LMTK2: variants seen among roughly 807,000 people sequenced by gnomAD.
LMTK2 encodes serine/threonine-protein kinase LMTK2.
Under a neutral mutation model 127.5 loss-of-function variants are expected in LMTK2, and 37 were observed. That is an observed-to-expected ratio of 0.29 (90% CI 0.22 to 0.38). The LOEUF is 0.38. LMTK2 is among the 10% of genes least tolerant of loss of function. The pLI is 1.00. For missense variants in LMTK2, 1,694 were observed against 1,920.3 expected, an observed-to-expected ratio of 0.88 and a Z score of 2.20; for synonymous variants, 819 against 810.1, an observed-to-expected ratio of 1.01 and a Z score of -0.19.
chr7:98,124,127 A>C (rs1049147253), intron 1 of LMTK2, among the ~76,000 whole-genome samples: 2 of 152,084 alleles, frequency 1.3e-5, no homozygotes, highest in Non-Finnish European at 2.9e-5. Context: ...TGATACTTGA[A>C]AGTCTGTTCC....
At chr7:98,172,644 A>C (rs1318928223) in intron 7 of LMTK2, among the ~76,000 whole-genome samples, 1 of 152,236 alleles carries the variant, frequency 6.6e-6, no homozygotes, top group Admixed American at 6.5e-5. Context: ...ACCAGGCAGT[A>C]TTTCTTTAGT....
At chr7:98,164,898 A>G (rs971814495) in intron 6 of LMTK2, among the ~76,000 whole-genome samples, 27 of 152,148 alleles carry the variant, frequency 1.8e-4, no homozygotes, top group African/African-American at 6.3e-4. Context: ...AGCAGATGAT[A>G]CTGTGTTCTT....
At chr7:98,128,316 TGTC>T (rs1356048424) in intron 1 of LMTK2, among the ~76,000 whole-genome samples, 2 of 152,142 alleles carry the variant, frequency 1.3e-5, no homozygotes, top group African/African-American at 4.8e-5. Context: ...TTCTCACTGT[TGTC>T]CTTGTAAAAT....
chr7:98,168,014 G>A (rs1797128476), intron 6 of LMTK2, among the ~76,000 whole-genome samples: 1 of 152,300 alleles, frequency 6.6e-6, no homozygotes, highest in Admixed American at 6.5e-5. Context: ...GGGAGAAGTG[G>A]GCAGGTCACT....
intron 5 of LMTK2, among the ~76,000 whole-genome samples, chr7:98,157,110 A>G (rs762772018): frequency 4.6e-5 from 7 of 152,168 alleles, no homozygotes; most frequent in East Asian, 3.9e-4. Flanking sequence ...TTAGTTGGGC[A>G]TGGTGGCATC....
chr7:98,181,449 G>A (rs1243195386), intron 7 of LMTK2, among the ~76,000 whole-genome samples: 2 of 152,080 alleles, frequency 1.3e-5, no homozygotes, highest in Admixed American at 6.6e-5. Context: ...AAATTCATAT[G>A]GATTCTGAAG....
At chr7:98,121,345 C>G (rs1796358230) in intron 1 of LMTK2, among the ~76,000 whole-genome samples, 1 of 152,052 alleles carries the variant, frequency 6.6e-6, no homozygotes, top group East Asian at 1.9e-4. Flanking sequence ...ATTAGGAAAC[C>G]AAGCCTGGCG....
chr7:98,148,192 CAAAG>C (rs1796799143), intron 3 of LMTK2, among the ~76,000 whole-genome samples: 1 of 150,850 alleles, frequency 6.6e-6, no homozygotes, highest in Admixed American at 6.6e-5. Flanking sequence ...GACCCTGTCT[CAAAG>C]AAAAAAAATT....
At chr7:98,142,135 TA>T (rs1164365206) in intron 3 of LMTK2, among the ~76,000 whole-genome samples, 2 of 152,224 alleles carry the variant, frequency 1.3e-5, no homozygotes, top group African/African-American at 4.8e-5. Flanking sequence ...TAATACCTTT[TA>T]AAAAATATTT....
rs77166316 is a variant in LMTK2, at chr7:98,124,458, G to A, written c.104-12857G>A. 4.4e-4 allele frequency among the ~76,000 whole-genome samples: 67 copies of A among 152,230 alleles called. No individual in the cohort carries two copies. In the East Asian group the frequency reaches 0.012, roughly 28 times the overall value. On this transcript the variant is annotated intron_variant, in intron 1 of 13. Transcript: ENST00000297293. ...GAGGCCAGGAGTTCAAGACAAGCCC[G>A]GGCAACATGGTGAGACTCCATCTCT...
At chr7:98,161,217 T>C (rs866132271) in intron 6 of LMTK2, among the ~76,000 whole-genome samples, 1 of 152,218 alleles carries the variant, frequency 6.6e-6, no homozygotes, top group African/African-American at 2.4e-5. Flanking sequence ...TCTACAAGTC[T>C]GGACTTGAGA....
chr7:98,113,704 C>G (rs1237249585), intron 1 of LMTK2, among the ~76,000 whole-genome samples: 1 of 152,180 alleles, frequency 6.6e-6, no homozygotes, highest in East Asian at 1.9e-4. Context: ...AGACTGCTCC[C>G]TCTAGGGATT....
Position 98,205,570 on chromosome 7 carries a change from A to T in LMTK2, c.*78A>T, listed in dbSNP as rs905641070. Reference sequence around the variant, plus strand: ...CCCTGCGCCCTCAGCCCGAGCAGCGACATCCACTCGCCATTTGCTGACATG... The same window carrying T: ...CCCTGCGCCCTCAGCCCGAGCAGCGTCATCCACTCGCCATTTGCTGACATG... On this transcript the variant is annotated 3_prime_UTR_variant, in exon 14 of 14. Coordinates refer to ENST00000297293, the MANE Select transcript of LMTK2 (RefSeq NM_014916.4). 2.5e-5 allele frequency: 36 copies of T among 1,452,166 alleles called. No homozygotes were observed. Among genetic ancestry groups the T allele is most frequent in the Non-Finnish European group, 3.4e-5 (36 of 1,048,592 alleles). The allele number at this position is 1,452,166 out of a possible 1,614,324, so 90.0% of individuals were successfully genotyped here. A position where few individuals can be genotyped will look rare whatever the true frequency, so the allele number is the denominator to read the frequency against.
intron 11 of LMTK2, among the ~76,000 whole-genome samples, chr7:98,200,073 T>C (rs145489876): frequency 4.1e-4 from 62 of 152,300 alleles, no homozygotes; most frequent in African/African-American, 1.4e-3. Flanking sequence ...AGTATTACAT[T>C]TTTCTTTTTC....
At chr7:98,166,293 G>A (rs575631696) in intron 6 of LMTK2, among the ~76,000 whole-genome samples, 7 of 152,364 alleles carry the variant, frequency 4.6e-5, no homozygotes, top group South Asian at 2.1e-4. Context: ...TAGCTGGAGC[G>A]CTGGAGCCAC....
Position 98,171,593 on chromosome 7 carries a change from C to T in LMTK2, c.710C>T (p.Ser237Leu), listed in dbSNP as rs377695923. 6.2e-7 allele frequency: 1 copy of T among 1,613,262 alleles called. No homozygotes were observed. The highest frequency in any genetic ancestry group is 1.3e-5 in the African/African-American group (1 of 74,914). Residue 237 changes from serine (S) to leucine (L), a missense_variant, in exon 7 of 14, where the codon TCA becomes TTA. Around this residue, in one of 8 missense-constraint regions of LMTK2, gnomAD observed 203 missense variants for 226.2 expected, o/e 0.90. Coordinates refer to ENST00000297293, the MANE Select transcript of LMTK2 (RefSeq NM_014916.4). This position sits in a 1 kb window ranked among gnomAD's most constrained non-coding sequence, Gnocchi z 5.1. Reference sequence around the variant, plus strand: ...GAGCAGGAGCACATGCGGGGGGACTCACAGACCATGCTGCTGCAGAGGATG... The same window carrying T: ...GAGCAGGAGCACATGCGGGGGGACTTACAGACCATGCTGCTGCAGAGGATG... ...RSEQEHMRGD[S>L]QTMLLQRMAC...
At chr7:98,148,503 A>AT (rs1562905589) in intron 3 of LMTK2, among the ~76,000 whole-genome samples, 3 of 149,320 alleles carry the variant, frequency 2.0e-5, no homozygotes, top group Non-Finnish European at 4.5e-5. Context: ...AAAAAAAAAA[A>AT]AAAATAATAA....
At chr7:98,151,150 C>T (rs189185829) in intron 3 of LMTK2, among the ~76,000 whole-genome samples, 10 of 151,310 alleles carry the variant, frequency 6.6e-5, no homozygotes, top group African/African-American at 1.2e-4. Flanking sequence ...GTAGCTGGAT[C>T]GGAAAAAAAA....
At chr7:98,205,316 G>A in intron 13 of LMTK2, 148 bp from the exon 14 acceptor site, 1 of 892,424 alleles carries the variant, frequency 1.1e-6, no homozygotes, top group South Asian at 1.5e-5. Flanking sequence ...GCTTCCGAAG[G>A]AAAGGACAGG....
Sources: allele counts gnomAD v4.1 joint callset (sites outside exome capture counted in the v4.1 genomes callset), GRCh38; gene constraint gnomAD v4.1.1; regional missense constraint gnomAD v4.1.1; non-coding constraint Gnocchi (gnomAD v3.1); transcripts MANE v1.5; gene names NCBI Gene and HGNC (gene_info 2026-07-23, HGNC 2026-07-21).